CRB1: variants seen among roughly 807,000 people sequenced by gnomAD.
CRB1 encodes protein crumbs homolog 1.
CRB1 carries 83 observed loss-of-function variants against 120.0 expected under a neutral mutation model. The ratio of observed to expected loss-of-function variants is 0.69; its 90% CI spans 0.58 to 0.83. The LOEUF is 0.83. CRB1 is among the 40% of genes least tolerant of loss of function. CRB1 has a pLI of 0.00. For missense variants in CRB1, 1,699 were observed against 1,687.6 expected (o/e 1.01, Z -0.12); for synonymous variants, 625 against 612.5 (o/e 1.02, Z -0.30).
chr1:197,222,313 G>T, the CRB1 span: 2 of 698,726 alleles, frequency 2.9e-6, no homozygotes, highest in Non-Finnish European at 5.4e-6. Flanking sequence ...AATGGAAATT[G>T]GCCTATACCG....
At chr1:197,247,760 G>A in the CRB1 span, among the ~76,000 whole-genome samples, 100 of 152,096 alleles carry the variant, frequency 6.6e-4, no homozygotes, top group African/African-American at 2.3e-3. Flanking sequence ...AGAATAGCTA[G>A]CATCTTATCT....
At chr1:197,233,116 A>AT in the CRB1 span, among the ~76,000 whole-genome samples, 14 of 152,234 alleles carry the variant, frequency 9.2e-5, no homozygotes, top group African/African-American at 3.4e-4. Context: ...TTGAAACTGC[A>AT]TCCCCATGTG....
At chr1:197,444,933 A>ACC (rs376859588) in intron 11 of CRB1, 2 of 149,492 alleles carry the variant, frequency 1.3e-5, no homozygotes, top group African/African-American at 4.9e-5. Flanking sequence ...ACACACACAC[A>ACC]CCACAGAAGT....
rs1664323807 is a variant in CRB1, at chr1:197,421,581, GA to G, written c.1754del (p.Asp585AlafsTer36). ...AEAVTLTLID[D>X]SCKEKCIAKA... ...GGCTGTGACCCTTACCTTAATCGAC[GA>G]CTCCTGTAAGGAGAAATGCATCGCG... is the stretch of plus-strand genomic sequence containing the variant. On this transcript the variant is annotated frameshift_variant, in exon 6 of 12. Coordinates refer to ENST00000367400, the MANE Select transcript of CRB1 (RefSeq NM_201253.3). LOFTEE classifies it high-confidence loss of function. 6.2e-7 allele frequency: 1 copy of G among 1,614,060 alleles called. No individual in the cohort carries two copies. Among genetic ancestry groups the G allele is most frequent in the African/African-American group, 1.3e-5 (1 of 74,908 alleles).
the CRB1 span, chr1:197,223,314 T>C: frequency 1.5e-6 from 1 of 649,542 alleles, no homozygotes; most frequent in African/African-American, 1.8e-5. Context: ...TGTTAAAATA[T>C]ATCATACATT....
rs570586988 is a variant in CRB1 at position 197,308,728 on chromosome 1, A to G, written c.71-19694A>G. Among the ~76,000 whole-genome samples the G allele has an allele frequency of 1.2e-4, 18 of 151,930 alleles. No homozygotes were observed. In the South Asian group the frequency reaches 2.7e-3, roughly 23 times the overall value. Reference sequence around the variant, plus strand: ...GTCTGGTTTAATAGGTCCTTAATAAATATGAACTATTATGATAATAGTGAT... The same window carrying G: ...GTCTGGTTTAATAGGTCCTTAATAAGTATGAACTATTATGATAATAGTGAT... On this transcript the variant is annotated intron_variant, in intron 1 of 11. Coordinates refer to ENST00000367400, the MANE Select transcript of CRB1 (RefSeq NM_201253.3).
the CRB1 span, among the ~76,000 whole-genome samples, chr1:197,232,234 TATTTTGG>T: frequency 6.6e-6 from 1 of 152,212 alleles, no homozygotes; most frequent in Admixed American, 6.5e-5. Context: ...CTAGTGGACA[TATTTTGG>T]ATTTTGACAT....
intron 5 of CRB1, among the ~76,000 whole-genome samples, chr1:197,417,102 G>A (rs1306978058): frequency 1.3e-5 from 2 of 152,198 alleles, no homozygotes; most frequent in Non-Finnish European, 2.9e-5. Flanking sequence ...GAGGCTTGCT[G>A]CTGTGTTGTG....
the CRB1 span, among the ~76,000 whole-genome samples, chr1:197,231,969 A>G: frequency 6.6e-6 from 1 of 152,188 alleles, no homozygotes; most frequent in Non-Finnish European, 1.5e-5. Context: ...ATTTAATTAA[A>G]TTAAGGATTC....
chr1:197,377,746 A>G (rs1661723162), intron 5 of CRB1, among the ~76,000 whole-genome samples: 1 of 152,216 alleles, frequency 6.6e-6, no homozygotes, highest in Non-Finnish European at 1.5e-5. Flanking sequence ...TCAAAAATTC[A>G]AAGATATTAT....
intron 11 of CRB1, among the ~76,000 whole-genome samples, chr1:197,450,866 A>G (rs1665934659): frequency 7.1e-6 from 1 of 141,262 alleles, no homozygotes; most frequent in Admixed American, 7.2e-5. Context: ...AGGCTGAGGC[A>G]GGAGAATGGC....
At chr1:197,264,470 T>C (rs1308877648), upstream of CRB1, among the ~76,000 whole-genome samples, 1 of 152,186 alleles carries the variant, frequency 6.6e-6, no homozygotes, top group Non-Finnish European at 1.5e-5. Flanking sequence ...AATGATTCCT[T>C]TTCTTTTGGG....
intron 2 of CRB1, among the ~76,000 whole-genome samples, chr1:197,332,289 G>A (rs1164155220): frequency 2.0e-5 from 3 of 152,104 alleles, no homozygotes; most frequent in Admixed American, 2.0e-4. Flanking sequence ...TCCCTGTAGG[G>A]TCCAATGGGA....
At chr1:197,441,573 T>C (rs942962972) in intron 10 of CRB1, 10 of 151,856 alleles carry the variant, frequency 6.6e-5, no homozygotes, top group Admixed American at 3.9e-4. Context: ...TTTGCTTTTG[T>C]TATAAAAAAA....
chr1:197,414,426 T>C (rs1278344575), intron 5 of CRB1, among the ~76,000 whole-genome samples: 1 of 152,120 alleles, frequency 6.6e-6, no homozygotes, highest in Non-Finnish European at 1.5e-5. Context: ...CTTTTATCCA[T>C]TAATATGATT....
At chr1:197,288,143 T>C (rs1230743300) in intron 1 of CRB1, among the ~76,000 whole-genome samples, 2 of 151,788 alleles carry the variant, frequency 1.3e-5, no homozygotes, top group African/African-American at 2.4e-5. Flanking sequence ...ACCAGAGATC[T>C]GCAGAAGCTC....
chr1:197,447,986 C>CTGA (rs751579212), intron 11 of CRB1, among the ~76,000 whole-genome samples: 44 of 152,212 alleles, frequency 2.9e-4, no homozygotes, highest in Non-Finnish European at 3.8e-4. Flanking sequence ...ATATAATCCA[C>CTGA]TGATAGATTT....
the CRB1 span, among the ~76,000 whole-genome samples, chr1:197,255,996 T>TATATATATATACAC: frequency 8.6e-5 from 10 of 116,708 alleles, no homozygotes; most frequent in East Asian, 2.0e-3. Context: ...TATATATATA[T>TATATATATATACAC]ACACTACAAT....
intron 5 of CRB1, chr1:197,364,101 G>C (rs1558084140): frequency 9.2e-7 from 1 of 1,088,722 alleles, no homozygotes. Context: ...TCCGTGGGTG[G>C]GCTGCTGAGG....
Sources: gnomAD v4.1 joint callset for allele counts (sites outside exome capture counted in the v4.1 genomes callset) on GRCh38, gnomAD v4.1.1 for gene constraint, MANE v1.5 for transcripts, NCBI Gene and HGNC (gene_info 2026-07-23, HGNC 2026-07-21) for gene names.